Variants in RPS6KA2 observed in about 807,000 individuals in gnomAD.
RPS6KA2 encodes ribosomal protein S6 kinase A2.
RPS6KA2 carries 42 observed loss-of-function variants against 91.8 expected under a neutral mutation model. That is an observed-to-expected ratio of 0.46 (90% CI 0.36 to 0.59). RPS6KA2 has a LOEUF of 0.59. RPS6KA2 is among the 20% of genes least tolerant of loss of function. The pLI, the probability that RPS6KA2 is intolerant of heterozygous loss-of-function variation, is 0.00. For missense variants in RPS6KA2, 798 were observed against 978.5 expected (o/e 0.82, Z 2.46); for synonymous variants, 414 against 393.6 (o/e 1.05, Z -0.61).
intron 2 of RPS6KA2, among the ~76,000 whole-genome samples, chr6:166,711,578 G>A (rs1416597492): frequency 6.6e-6 from 1 of 151,902 alleles, no homozygotes; most frequent in African/African-American, 2.4e-5. Context: ...CCAAATGGAA[G>A]TTTTAGACAT....
At chr6:166,620,737 G>A (rs973569871) in intron 1 of RPS6KA2, among the ~76,000 whole-genome samples, 1 of 152,240 alleles carries the variant, frequency 6.6e-6, no homozygotes. Context: ...AAGCTGTCCT[G>A]ACAAGGCACA....
chr6:166,500,829 C>T lies in RPS6KA2; in HGVS notation c.604+58G>A, dbSNP rs1452316302. 2 of 1,527,144 alleles carry T rather than the reference C, an allele frequency of 1.3e-6. No homozygotes were observed. The highest frequency in any genetic ancestry group is 1.8e-6 in the Non-Finnish European group (2 of 1,101,298). 94.6% of individuals were successfully genotyped at this position (1,527,144 alleles called of 1,614,324 possible). On this transcript the variant is annotated intron_variant, in intron 7 of 20. Coordinates refer to ENST00000265678, the MANE Select transcript of RPS6KA2 (RefSeq NM_021135.6). The surrounding 1 kb of genome is among the most constrained non-coding windows in gnomAD (Gnocchi z 4.3). ...AGAGGGCTTGGGCTTTGAGGTGGTC[C>T]CCAAAGGTACCAGGGCTGAGATGAA...
At chr6:166,637,453 G>A (rs1447764479) in intron 2 of RPS6KA2, among the ~76,000 whole-genome samples, 2 of 152,206 alleles carry the variant, frequency 1.3e-5, no homozygotes, top group African/African-American at 4.8e-5. Context: ...ACAATGAGCC[G>A]AGAGGAACAA....
chr6:166,701,565 G>A, intron 2 of RPS6KA2: 1 of 1,433,106 alleles, frequency 7.0e-7, no homozygotes, highest in South Asian at 1.2e-5. Context: ...GGCCCTGCTT[G>A]CTGATGAGGG....
chr6:166,840,242 G>A (rs1226514178), intron 2 of RPS6KA2, among the ~76,000 whole-genome samples: 3 of 152,016 alleles, frequency 2.0e-5, no homozygotes, highest in Admixed American at 1.3e-4. Context: ...CCAAGTTCCT[G>A]CAAAGCCTGT....
intron 2 of RPS6KA2, among the ~76,000 whole-genome samples, chr6:166,845,056 G>A (rs1167934573): frequency 2.0e-5 from 3 of 152,132 alleles, no homozygotes; most frequent in African/African-American, 4.8e-5. Context: ...GCAAGCAGGA[G>A]TAACTATTCT....
chr6:166,708,900 T>G (rs1256772228), intron 2 of RPS6KA2, among the ~76,000 whole-genome samples: 3 of 152,180 alleles, frequency 2.0e-5, no homozygotes, highest in Admixed American at 1.3e-4. Flanking sequence ...TACCACAAAT[T>G]GCAATGTATT....
At chr6:166,447,102 C>T (rs1419817587) in intron 14 of RPS6KA2, among the ~76,000 whole-genome samples, 2 of 152,180 alleles carry the variant, frequency 1.3e-5, no homozygotes, top group Non-Finnish European at 2.9e-5. Flanking sequence ...AGGAGCAGGA[C>T]AAACCAATCT....
At chr6:166,789,402 G>T (rs953613602) in intron 2 of RPS6KA2, among the ~76,000 whole-genome samples, 2 of 152,230 alleles carry the variant, frequency 1.3e-5, no homozygotes, top group Non-Finnish European at 2.9e-5. Flanking sequence ...CAAGGAGGCC[G>T]GCCTGCCTGC....
rs1461298020 is a variant in RPS6KA2, at chr6:166,412,836, G to A, written c.2128C>T (p.Arg710Trp). ...FALNRTPQAP[R>W]LEPVLSSNLA... ...TTGGATGACAGCACGGGCTCCAGCC[G>A]CGGGGCCTGAGGTGTTCTGTTTAGA... The change falls in exon 21 of 21, where the codon CGG (arginine) becomes TGG (tryptophan). Residue 710 changes from arginine (R) to tryptophan (W), a missense_variant. By Grantham distance (101) the Arg-to-Trp change is moderately radical (BLOSUM62 -3). Transcript: ENST00000265678. The surrounding 1 kb of genome is among the most constrained non-coding windows in gnomAD (Gnocchi z 4.3). The A allele has an allele frequency of 6.4e-7, 1 of 1,574,590 alleles. No individual in the cohort carries two copies. Among genetic ancestry groups the A allele is most frequent in the East Asian group, 2.3e-5 (1 of 43,364 alleles).
At chr6:166,742,854 A>T (rs1169212963) in intron 2 of RPS6KA2, among the ~76,000 whole-genome samples, 1 of 152,236 alleles carries the variant, frequency 6.6e-6, no homozygotes, top group Non-Finnish European at 1.5e-5. Context: ...GAGAAGCCAG[A>T]CACACAAACA....
At chr6:166,431,698 C>G (rs1779137714) in intron 15 of RPS6KA2, among the ~76,000 whole-genome samples, 1 of 151,992 alleles carries the variant, frequency 6.6e-6, no homozygotes. Context: ...TTCAGTGCAA[C>G]CTCCACCTCC....
intron 3 of RPS6KA2, among the ~76,000 whole-genome samples, chr6:166,526,341 CTTTTTT>C (rs10616497): frequency 0.01 from 1,047 of 101,874 alleles, 4 homozygotes; most frequent in African/African-American, 0.035. Flanking sequence ...GTTTATATGG[CTTTTTT>C]TTTTTTTTTT....
In RPS6KA2 at chr6:166,586,233, C is replaced by T. The variant is rs973103275; in HGVS notation, c.99+40688G>A. The T allele has an allele frequency of 4.4e-6, 7 of 1,593,760 alleles. No homozygotes were observed. The African/African-American group carries it at 8.8e-5, about 20-fold the overall frequency. ...GTTGTTACCCCAGGATCGTCCATGCCACTGATTGGATCGATTGTCACTTGG... is the reference window on the plus strand; with the variant it reads ...GTTGTTACCCCAGGATCGTCCATGCTACTGATTGGATCGATTGTCACTTGG... On this transcript the variant is annotated intron_variant, in intron 1 of 20. Transcript: ENST00000265678.
intron 3 of RPS6KA2, among the ~76,000 whole-genome samples, chr6:166,519,826 A>C (rs2128487106): frequency 6.6e-6 from 1 of 152,360 alleles, no homozygotes; most frequent in South Asian, 2.1e-4. Flanking sequence ...GATCTCCACC[A>C]ATAGACATTA....
In RPS6KA2 at chr6:166,853,659, G is replaced by T. The variant is rs570883430; in HGVS notation, c.123+4541C>A. Among the ~76,000 whole-genome samples the T allele has an allele frequency of 9.1e-4, 139 of 152,374 alleles. 1 individual carries two copies. Among genetic ancestry groups the T allele is most frequent in the African/African-American group, 3.2e-3 (132 of 41,600 alleles). On this transcript the variant is annotated intron_variant, in intron 2 of 21. Coordinates refer to the RPS6KA2 transcript ENST00000503859. ...TGGCCACCTAAGTCTCACGAGTGTGGCTGTGAGGTTCGTTTGAGTACACTT... is the reference window on the plus strand; with the variant it reads ...TGGCCACCTAAGTCTCACGAGTGTGTCTGTGAGGTTCGTTTGAGTACACTT...
At chr6:166,605,857 G>A (rs1785934746) in intron 1 of RPS6KA2, among the ~76,000 whole-genome samples, 1 of 152,212 alleles carries the variant, frequency 6.6e-6, no homozygotes, top group African/African-American at 2.4e-5. Context: ...ACCAGTGGTG[G>A]AGACATAAAG....
At chr6:166,694,103 C>T (rs1789291609) in intron 2 of RPS6KA2, among the ~76,000 whole-genome samples, 1 of 152,246 alleles carries the variant, frequency 6.6e-6, no homozygotes, top group Admixed American at 6.5e-5. Context: ...GACTGGGGCT[C>T]GCTGCCCTTA....
rs1237400531 is a variant in RPS6KA2, at chr6:166,725,547, C to A, written c.123+132653G>T. Among the ~76,000 whole-genome samples the A allele has an allele frequency of 2.0e-5, 3 of 152,324 alleles. No homozygotes were observed. In the East Asian group the frequency reaches 5.8e-4, roughly 29 times the overall value. ...AGCTCCAGGCAGTCAGGGGGAGCAT[C>A]CCTGGGAGCCACCTCTGTGGGTGCC... On this transcript the variant is annotated intron_variant, in intron 2 of 21. Transcript: ENST00000503859.
Sources: gnomAD v4.1 joint callset for allele counts (sites outside exome capture counted in the v4.1 genomes callset) on GRCh38, gnomAD v4.1.1 for gene constraint, Gnocchi (gnomAD v3.1) non-coding constraint, MANE v1.5 for transcripts, NCBI Gene and HGNC (gene_info 2026-07-23, HGNC 2026-07-21) for gene names.